ZSWIM5: variants seen among roughly 807,000 people sequenced by gnomAD.
The protein encoded by ZSWIM5 is zinc finger SWIM-type containing 5, also known as zinc finger SWIM domain-containing protein 5.
In ZSWIM5, 55 loss-of-function variants were observed where a neutral mutation model predicts 119.6. That is an observed-to-expected ratio of 0.46 (90% CI 0.37 to 0.58). The LOEUF (loss-of-function observed/expected upper bound fraction) is 0.58, where lower values mean the gene tolerates loss of function less well. ZSWIM5 is among the 20% of genes least tolerant of loss of function. The pLI, the probability that ZSWIM5 is intolerant of heterozygous loss-of-function variation, is 0.00. For missense variants in ZSWIM5, 1,193 were observed against 1,512.8 expected (o/e 0.79, Z 3.51); for synonymous variants, 537 against 606.9 (o/e 0.88, Z 1.69).
chr1:45,063,326 T>A (rs1453354627), intron 2 of ZSWIM5, among the ~76,000 whole-genome samples: 1 of 152,194 alleles, frequency 6.6e-6, no homozygotes, highest in African/African-American at 2.4e-5. Flanking sequence ...ATATGCCCAG[T>A]AATGGGATTG....
At chr1:45,153,099 A>T (rs1457115358) in intron 1 of ZSWIM5, among the ~76,000 whole-genome samples, 1 of 149,134 alleles carries the variant, frequency 6.7e-6, no homozygotes, top group Non-Finnish European at 1.5e-5. Context: ...AAGTTAAAAA[A>T]AAAAAAAAAA....
intron 2 of ZSWIM5, among the ~76,000 whole-genome samples, chr1:45,075,435 T>TAA (rs1442528777): frequency 6.6e-6 from 1 of 152,226 alleles, no homozygotes; most frequent in Non-Finnish European, 1.5e-5. Flanking sequence ...CTTACTGAAC[T>TAA]AACTCCTTTA....
At chr1:45,090,327 G>GT (rs1335665718) in intron 1 of ZSWIM5, among the ~76,000 whole-genome samples, 4 of 152,146 alleles carry the variant, frequency 2.6e-5, no homozygotes, top group African/African-American at 9.7e-5. Context: ...CCCCACAGAG[G>GT]TTTTTTCTCA....
chr1:45,073,473 T>C (rs1019456299), intron 2 of ZSWIM5, among the ~76,000 whole-genome samples: 3 of 151,306 alleles, frequency 2.0e-5, no homozygotes, highest in Admixed American at 2.0e-4. Context: ...TGGCCAGGCT[T>C]GTCTCAAACT....
intron 5 of ZSWIM5, among the ~76,000 whole-genome samples, chr1:45,045,690 A>C (rs1293846017): frequency 6.6e-6 from 1 of 152,152 alleles, no homozygotes; most frequent in Non-Finnish European, 1.5e-5. Context: ...CTGGGCTCCC[A>C]ATATATTTTT....
At chr1:45,034,705 GCTAT>G (rs1462020780) in intron 10 of ZSWIM5, among the ~76,000 whole-genome samples, 1 of 152,216 alleles carries the variant, frequency 6.6e-6, no homozygotes, top group Non-Finnish European at 1.5e-5. Flanking sequence ...CCGTTCAAGA[GCTAT>G]CGGGTTGAAT....
At chr1:45,178,298 C>G (rs1027312010) in intron 1 of ZSWIM5, among the ~76,000 whole-genome samples, 3 of 152,076 alleles carry the variant, frequency 2.0e-5, no homozygotes, top group Non-Finnish European at 4.4e-5. Flanking sequence ...GTGGCGCATG[C>G]CTGTGGTACC....
intron 1 of ZSWIM5, among the ~76,000 whole-genome samples, chr1:45,094,054 T>C (rs138426231): frequency 0.15 from 22,923 of 148,728 alleles, 1,836 homozygotes; most frequent in African/African-American, 0.16. Flanking sequence ...TATTTATTTA[T>C]TTATTTATTT....
intron 1 of ZSWIM5, among the ~76,000 whole-genome samples, chr1:45,189,320 A>AAATAAT (rs578114661): frequency 1.4e-4 from 21 of 151,610 alleles, no homozygotes; most frequent in African/African-American, 2.7e-4. Context: ...GTCTCAAAGA[A>AAATAAT]AATAATAATA....
At chr1:45,090,644 A>T (rs767816797) in intron 1 of ZSWIM5, among the ~76,000 whole-genome samples, 6 of 151,394 alleles carry the variant, frequency 4.0e-5, no homozygotes, top group African/African-American at 1.5e-4. Flanking sequence ...AAAATAAAAT[A>T]AAAATAAAAT....
chr1:45,020,648 C>T lies in ZSWIM5; in HGVS notation c.2590G>A (p.Val864Ile), dbSNP rs199558920. Residue 864 changes from valine (V) to isoleucine (I), a missense_variant, in exon 12 of 14, where the codon GTT becomes ATT. Val to Ile is a conservative substitution (Grantham distance 29, BLOSUM62 3). This residue lies in a region of ZSWIM5 where 961 missense variants were observed against 1,290.0 expected (regional missense o/e 0.74). Transcript: ENST00000359600. Reference sequence around the variant, plus strand: ...ACCTGTAACCCAAGTTCCAGGGCAACGTTGAGCAGGGTGCTGTCAGTACTA... The same window carrying T: ...ACCTGTAACCCAAGTTCCAGGGCAATGTTGAGCAGGGTGCTGTCAGTACTA... Reference protein sequence around the residue: ...DSSTDSTLLNVALELGLQVMR... With the variant: ...DSSTDSTLLNIALELGLQVMR... 172 of 1,613,866 alleles carry T rather than the reference C, an allele frequency of 1.1e-4. No individual in the cohort carries two copies. Among genetic ancestry groups the T allele is most frequent in the Middle Eastern group, 1.6e-4 (1 of 6,078 alleles).
chr1:45,059,597 T>G (rs1285159563), intron 3 of ZSWIM5, among the ~76,000 whole-genome samples: 1 of 152,170 alleles, frequency 6.6e-6, no homozygotes, highest in East Asian at 1.9e-4. Context: ...TGGTGATGGT[T>G]GCATATAACT....
chr1:45,146,434 T>TC (rs1645760799), intron 1 of ZSWIM5, among the ~76,000 whole-genome samples: 1 of 123,072 alleles, frequency 8.1e-6, no homozygotes, highest in Non-Finnish European at 1.7e-5. Context: ...TTCTAGACTT[T>TC]TTTTTTTTTT....
chr1:45,110,342 G>A (rs1421961241), intron 1 of ZSWIM5, among the ~76,000 whole-genome samples: 2 of 152,188 alleles, frequency 1.3e-5, no homozygotes, highest in Admixed American at 1.3e-4. Flanking sequence ...CACTGGGGGA[G>A]TCTGTAGGAT....
Position 45,016,608 on chromosome 1 carries a change from G to T in ZSWIM5, c.*1846C>A, listed in dbSNP as rs1447234114. The T allele has an allele frequency of 2.6e-5, 4 of 151,994 alleles. No homozygotes were observed. Among genetic ancestry groups the T allele is most frequent in the Non-Finnish European group, 2.9e-5 (2 of 68,020 alleles). The allele number at this position is 151,994 out of a possible 1,614,324, so 9.4% of individuals were successfully genotyped here. A position where few individuals can be genotyped will look rare whatever the true frequency, so the allele number is the denominator to read the frequency against. ...CCACAAATGGCAAATACAACTTCTTGGTCAGTTTGGAGTAAAAAAGGTGAC... is the reference window on the plus strand; with the variant it reads ...CCACAAATGGCAAATACAACTTCTTTGTCAGTTTGGAGTAAAAAAGGTGAC... On this transcript the variant is annotated 3_prime_UTR_variant, in exon 14 of 14. Transcript: ENST00000359600.
rs540612673 is a variant in ZSWIM5, at chr1:45,017,202, G to A, written c.*1252C>T. ...ATGGGAAAGAGAAATCTGGCAAAAAGGACACATTGATGCAGATCCTCAAAC... is the reference window on the plus strand; with the variant it reads ...ATGGGAAAGAGAAATCTGGCAAAAAAGACACATTGATGCAGATCCTCAAAC... On this transcript the variant is annotated 3_prime_UTR_variant, in exon 14 of 14. Coordinates refer to ENST00000359600, the MANE Select transcript of ZSWIM5 (RefSeq NM_020883.2). 4 of 152,266 alleles carry A rather than the reference G, an allele frequency of 2.6e-5. No homozygotes were observed. Among genetic ancestry groups the A allele is most frequent in the Admixed American group, 2.6e-4 (4 of 15,300 alleles). The allele number at this position is 152,266 out of a possible 1,614,324, so 9.4% of individuals were successfully genotyped here.
intron 5 of ZSWIM5, among the ~76,000 whole-genome samples, chr1:45,044,216 A>AG (rs1570016095): frequency 9.0e-6 from 1 of 111,578 alleles, no homozygotes; most frequent in Non-Finnish European, 2.0e-5. Context: ...GAGAGAGAGA[A>AG]AGAGCTGAAG....
intron 11 of ZSWIM5, among the ~76,000 whole-genome samples, chr1:45,028,711 G>A (rs1358524169): frequency 3.3e-5 from 5 of 151,864 alleles, no homozygotes; most frequent in Non-Finnish European, 7.4e-5. Flanking sequence ...AGCTGAAATC[G>A]CGCCACTCAT....
At chr1:45,163,729 T>C (rs1355561325) in intron 1 of ZSWIM5, among the ~76,000 whole-genome samples, 2 of 152,126 alleles carry the variant, frequency 1.3e-5, no homozygotes, top group South Asian at 2.1e-4. Flanking sequence ...GTATCAGTGA[T>C]GGAAGATCAA....
Sources: allele counts gnomAD v4.1 joint callset (sites outside exome capture counted in the v4.1 genomes callset), GRCh38; gene constraint gnomAD v4.1.1; regional missense constraint gnomAD v4.1.1; transcripts MANE v1.5; gene names NCBI Gene and HGNC (gene_info 2026-07-23, HGNC 2026-07-21).